The following KAZN variants were observed in gnomAD, a reference collection of about 807,000 sequenced individuals.
The protein encoded by KAZN is kazrin, periplakin interacting protein, also known as kazrin.
KAZN carries 40 observed loss-of-function variants against 87.4 expected under a neutral mutation model. That is an observed-to-expected ratio of 0.46 (90% confidence interval 0.36 to 0.60). The LOEUF is 0.60. KAZN is among the 20% of genes least tolerant of loss of function. KAZN has a pLI of 0.00. For missense variants in KAZN, 898 were observed against 1,073.9 expected, an observed-to-expected ratio of 0.84 and a Z score of 2.29; for synonymous variants, 466 against 458.3, an observed-to-expected ratio of 1.02 and a Z score of -0.22.
intron 1 of KAZN, among the ~76,000 whole-genome samples, chr1:14,859,197 C>T (rs1001681961): frequency 2.0e-4 from 29 of 148,248 alleles, no homozygotes; most frequent in Non-Finnish European, 3.7e-4. Flanking sequence ...GGTGACAGAG[C>T]GAGACCCCGT....
intron 2 of KAZN, among the ~76,000 whole-genome samples, chr1:14,494,540 A>T (rs958836179): frequency 1.3e-5 from 2 of 152,112 alleles, no homozygotes; most frequent in African/African-American, 4.8e-5. Context: ...ATCCCCCTTC[A>T]GGTCAATAGG....
chr1:14,217,501 CAGAA>C (rs531361483), intron 2 of KAZN, among the ~76,000 whole-genome samples: 135 of 151,032 alleles, frequency 8.9e-4, no homozygotes, highest in African/African-American at 2.9e-3. Context: ...TTATATCACT[CAGAA>C]AGGATAAAAA....
At position 14,913,811 on chromosome 1, in the gene KAZN, C is replaced by T. The variant is rs767609997; in HGVS notation, c.227-46873C>T. 1.8e-3 allele frequency among the ~76,000 whole-genome samples: 268 copies of T among 152,308 alleles called. 1 individual carries two copies. The highest frequency in any genetic ancestry group is 1.8e-3 in the Non-Finnish European group (125 of 68,018). On this transcript the variant is annotated intron_variant, in intron 1 of 14. Coordinates refer to ENST00000376030, the MANE Select transcript of KAZN (RefSeq NM_201628.3). ...GAGTTCTGGTGGGCGGGTAGACAGG[C>T]GGGCAGAGCCCATAATTATGGGGAA...
intron 1 of KAZN, among the ~76,000 whole-genome samples, chr1:14,063,432 GAGATCA>G (rs1642874001): frequency 6.6e-6 from 1 of 152,120 alleles, no homozygotes; most frequent in African/African-American, 2.4e-5. Flanking sequence ...ATTCAAAATG[GAGATCA>G]AATATGTGAG....
At chr1:13,971,469 C>T (rs1642133773) in intron 1 of KAZN, among the ~76,000 whole-genome samples, 1 of 152,168 alleles carries the variant, frequency 6.6e-6, no homozygotes, top group Admixed American at 6.5e-5. Flanking sequence ...GTTTCATATG[C>T]ATGCATTTTC....
intron 2 of KAZN, among the ~76,000 whole-genome samples, chr1:14,961,391 G>A (rs954536922): frequency 3.9e-5 from 6 of 152,192 alleles, no homozygotes; most frequent in African/African-American, 7.2e-5. Context: ...CCACAGACCC[G>A]TAACTACCAT....
At chr1:14,233,275 G>A (rs1249221895) in intron 2 of KAZN, among the ~76,000 whole-genome samples, 1 of 152,104 alleles carries the variant, frequency 6.6e-6, no homozygotes, top group Non-Finnish European at 1.5e-5. Flanking sequence ...GGGGCTACAG[G>A]CATGTGCCAC....
rs200774758 is a variant in KAZN, at chr1:15,078,724, G to A, written c.1222+12971G>A. Among the ~76,000 whole-genome samples the A allele has an allele frequency of 3.9e-5, 6 of 152,294 alleles. No homozygotes were observed. In the East Asian group the frequency reaches 9.7e-4, roughly 25 times the overall value. ...GATTCTAGAAGGGCATCGGTCTGCAGCGCGCATGCTGTTCCTCTCAGCTGC... is the reference window on the plus strand; with the variant it reads ...GATTCTAGAAGGGCATCGGTCTGCAACGCGCATGCTGTTCCTCTCAGCTGC... On this transcript the variant is annotated intron_variant, in intron 8 of 14. Transcript: ENST00000376030.
At chr1:14,728,418 C>G (rs1169323590) in intron 1 of KAZN, among the ~76,000 whole-genome samples, 1 of 151,992 alleles carries the variant, frequency 6.6e-6, no homozygotes, top group Non-Finnish European at 1.5e-5. Context: ...GCTCACTCAC[C>G]TGCCGCTCAC....
chr1:14,094,032 G>A (rs750596173), intron 1 of KAZN, among the ~76,000 whole-genome samples: 13 of 152,228 alleles, frequency 8.5e-5, no homozygotes, highest in South Asian at 4.2e-4. Flanking sequence ...GGAAAGGTGC[G>A]GTGAGGCTGG....
At chr1:14,334,389 A>AAG (rs386366269) in intron 2 of KAZN, among the ~76,000 whole-genome samples, 3 of 150,316 alleles carry the variant, frequency 2.0e-5, no homozygotes, top group East Asian at 4.0e-4. Flanking sequence ...AAAAAAAAAA[A>AAG]AGGAAATGGG....
chr1:14,387,787 C>A (rs1662060328), intron 2 of KAZN, among the ~76,000 whole-genome samples: 1 of 152,044 alleles, frequency 6.6e-6, no homozygotes, highest in Non-Finnish European at 1.5e-5. Context: ...GCCCTGCCCC[C>A]AGAGGTGGAG....
rs140225112 is a variant in KAZN at position 14,393,432 on chromosome 1, G to C, written c.250-205551G>C. 3.0e-3 allele frequency among the ~76,000 whole-genome samples: 464 copies of C among 152,212 alleles called. 3 individuals carry two copies. Among genetic ancestry groups the C allele is most frequent in the African/African-American group, 0.01 (423 of 41,516 alleles). On this transcript the variant is annotated intron_variant, in intron 2 of 16. Coordinates refer to the KAZN transcript ENST00000636203. Reference sequence around the variant, plus strand: ...GTCACGAACTCTTACAGACATCATTGCATTTTAGAGAAGCCGTTTGGTACT... The same window carrying C: ...GTCACGAACTCTTACAGACATCATTCCATTTTAGAGAAGCCGTTTGGTACT...
intron 2 of KAZN, among the ~76,000 whole-genome samples, chr1:14,192,276 G>T (rs755077722): frequency 8.5e-5 from 13 of 152,102 alleles, no homozygotes; most frequent in Admixed American, 2.6e-4. Flanking sequence ...TTGAATGATA[G>T]GGTACCCAAA....
chr1:15,072,514 A>T (rs566077756), intron 8 of KAZN, among the ~76,000 whole-genome samples: 10 of 152,190 alleles, frequency 6.6e-5, no homozygotes, highest in Non-Finnish European at 8.8e-5. Context: ...AGAAACACTT[A>T]GACGCTGCTC....
In KAZN at chr1:15,005,522, A is replaced by T. The variant is rs150906687; in HGVS notation, c.419-29227A>T. On this transcript the variant is annotated intron_variant, in intron 2 of 14. Transcript: ENST00000376030. Reference sequence around the variant, plus strand: ...TAAAGGGGGCCGGGTGCGGTGGCTCACACCTATCATCCCAGCACTTTGGGA... The same window carrying T: ...TAAAGGGGGCCGGGTGCGGTGGCTCTCACCTATCATCCCAGCACTTTGGGA... Among the ~76,000 whole-genome samples, 12 of 152,266 alleles carry T rather than the reference A, an allele frequency of 7.9e-5. No homozygotes were observed. The East Asian group carries it at 2.3e-3, about 29-fold the overall frequency.
At chr1:14,102,917 T>C (rs1221749577) in intron 1 of KAZN, among the ~76,000 whole-genome samples, 1 of 150,902 alleles carries the variant, frequency 6.6e-6, no homozygotes, top group African/African-American at 2.4e-5. Flanking sequence ...TCTCTCTCTT[T>C]TTTTTTTTTT....
intron 2 of KAZN, among the ~76,000 whole-genome samples, chr1:14,963,756 T>C (rs903801037): frequency 6.6e-6 from 1 of 152,158 alleles, no homozygotes; most frequent in African/African-American, 2.4e-5. Flanking sequence ...AATTAGATAT[T>C]TGTCCTAATG....
chr1:14,133,893 G>A lies in KAZN; in HGVS notation c.92-46542G>A, dbSNP rs78842360. On this transcript the variant is annotated intron_variant, in intron 1 of 16. Transcript: ENST00000636203. ...GAGATGACCAGAAACCAGATGTGTC[G>A]CATCCTTTTGACCTCTAAGTCCTGC... is the stretch of plus-strand genomic sequence containing the variant. Among the ~76,000 whole-genome samples the A allele has an allele frequency of 3.5e-3, 533 of 152,272 alleles. 5 individuals carry two copies. Among genetic ancestry groups the A allele is most frequent in the African/African-American group, 0.012 (489 of 41,546 alleles).
Sources: gnomAD v4.1 joint callset for allele counts (sites outside exome capture counted in the v4.1 genomes callset) on GRCh38, gnomAD v4.1.1 for gene constraint, MANE v1.5 for transcripts, NCBI Gene and HGNC (gene_info 2026-07-23, HGNC 2026-07-21) for gene names.